GRID1: variants seen among roughly 807,000 people sequenced by gnomAD.
GRID1 encodes glutamate ionotropic receptor delta type subunit 1, also known as glutamate receptor ionotropic, delta-1.
Under a neutral mutation model 98.0 loss-of-function variants are expected in GRID1, and 28 were observed. The ratio of observed to expected loss-of-function variants is 0.29; its 90% CI spans 0.21 to 0.39. The LOEUF (loss-of-function observed/expected upper bound fraction) is 0.39, where lower values mean the gene tolerates loss of function less well. GRID1 is among the 10% of genes least tolerant of loss of function. The probability of loss-of-function intolerance (pLI) is 1.00; values close to 1 mark genes in which losing one functional copy is unlikely to be tolerated. For missense variants in GRID1, 1,111 were observed against 1,340.5 expected, an observed-to-expected ratio of 0.83 and a Z score of 2.67; for synonymous variants, 553 against 538.5, an observed-to-expected ratio of 1.03 and a Z score of -0.37.
chr10:86,352,764 A>T (rs1018257130), intron 2 of GRID1, among the ~76,000 whole-genome samples: 1 of 152,140 alleles, frequency 6.6e-6, no homozygotes, highest in Non-Finnish European at 1.5e-5. Context: ...TTGGTTTTGC[A>T]TGGCCCCCTC....
At chr10:85,882,206 T>A (rs1841040103) in intron 5 of GRID1, among the ~76,000 whole-genome samples, 1 of 152,160 alleles carries the variant, frequency 6.6e-6, no homozygotes, top group Non-Finnish European at 1.5e-5. Flanking sequence ...ATTGTGGAAG[T>A]CAGTGTGGCG....
At chr10:85,638,001 T>C (rs1262073764) in intron 13 of GRID1, among the ~76,000 whole-genome samples, 1 of 152,152 alleles carries the variant, frequency 6.6e-6, no homozygotes, top group Non-Finnish European at 1.5e-5. Context: ...TAAAACAGTG[T>C]TTAGAGGGAA....
At chr10:85,882,722 T>TG (rs1438639125) in intron 5 of GRID1, among the ~76,000 whole-genome samples, 2 of 152,316 alleles carry the variant, frequency 1.3e-5, no homozygotes, top group African/African-American at 4.8e-5. Context: ...TGTATACATA[T>TG]GTAACAAACG....
intron 2 of GRID1, among the ~76,000 whole-genome samples, chr10:86,357,907 C>T (rs767856998): frequency 1.6e-4 from 24 of 152,298 alleles, no homozygotes; most frequent in Non-Finnish European, 2.1e-4. Flanking sequence ...TTGACTTCAA[C>T]GAGGGCCGTC....
At chr10:86,297,821 T>C (rs1847617078) in intron 2 of GRID1, among the ~76,000 whole-genome samples, 1 of 152,206 alleles carries the variant, frequency 6.6e-6, no homozygotes, top group South Asian at 2.1e-4. Context: ...GAAGGTGCTG[T>C]TAGCAAACAC....
At chr10:86,030,678 C>T (rs1843174297) in intron 4 of GRID1, among the ~76,000 whole-genome samples, 1 of 152,196 alleles carries the variant, frequency 6.6e-6, no homozygotes, top group African/African-American at 2.4e-5. Flanking sequence ...GTTACCACTC[C>T]AGAGTGGGGA....
intron 13 of GRID1, among the ~76,000 whole-genome samples, chr10:85,641,427 A>G (rs1320545094): frequency 1.3e-5 from 2 of 152,228 alleles, no homozygotes; most frequent in Non-Finnish European, 2.9e-5. Flanking sequence ...AGTCAGGCAT[A>G]TATCTTGCCA....
At chr10:85,941,777 T>C (rs751865655) in intron 4 of GRID1, among the ~76,000 whole-genome samples, 7 of 152,326 alleles carry the variant, frequency 4.6e-5, no homozygotes, top group Non-Finnish European at 7.3e-5. Context: ...TTTTTTGTGA[T>C]TGAATTTTAT....
At chr10:85,989,045 C>T (rs556644345) in intron 4 of GRID1, among the ~76,000 whole-genome samples, 41 of 152,288 alleles carry the variant, frequency 2.7e-4, no homozygotes, top group Middle Eastern at 6.8e-3. Flanking sequence ...AGGCGGATTA[C>T]GCAGGTTTAG....
At chr10:85,699,906 A>G (rs1356613309) in intron 12 of GRID1, among the ~76,000 whole-genome samples, 1 of 152,224 alleles carries the variant, frequency 6.6e-6, no homozygotes, top group East Asian at 1.9e-4. Flanking sequence ...ATGAGCAAAC[A>G]TCTTAAATTG....
At chr10:86,106,907 T>C (rs11815446) in intron 4 of GRID1, among the ~76,000 whole-genome samples, 6,865 of 151,624 alleles carry the variant, frequency 0.045, 510 homozygotes, top group African/African-American at 0.16. Flanking sequence ...GGAAAATGAA[T>C]TGACAACAAG....
At chr10:85,632,298 A>G (rs1842984921) in intron 13 of GRID1, among the ~76,000 whole-genome samples, 1 of 152,172 alleles carries the variant, frequency 6.6e-6, no homozygotes, top group Admixed American at 6.5e-5. Flanking sequence ...CAGTTTCTAA[A>G]ATTCAAGAAT....
intron 15 of GRID1, among the ~76,000 whole-genome samples, chr10:85,604,764 G>T (rs1179040825): frequency 6.6e-6 from 1 of 152,092 alleles, no homozygotes; most frequent in Non-Finnish European, 1.5e-5. Flanking sequence ...TATTTTATTT[G>T]CTTTGTTTTC....
intron 2 of GRID1, among the ~76,000 whole-genome samples, chr10:86,212,976 G>A (rs919112786): frequency 6.6e-6 from 1 of 152,068 alleles, no homozygotes; most frequent in African/African-American, 2.4e-5. Flanking sequence ...TGGCTCTCCC[G>A]TCCCTCCTGC....
intron 3 of GRID1, among the ~76,000 whole-genome samples, chr10:86,155,423 A>C (rs1303070059): frequency 6.6e-6 from 1 of 152,240 alleles, no homozygotes; most frequent in Non-Finnish European, 1.5e-5. Flanking sequence ...GCAGATTCAG[A>C]TTCTGAGTCA....
At chr10:86,356,329 C>T (rs897684276) in intron 2 of GRID1, among the ~76,000 whole-genome samples, 5 of 152,202 alleles carry the variant, frequency 3.3e-5, no homozygotes, top group Admixed American at 1.3e-4. Context: ...TTTAATGAAA[C>T]GCCAAGGAAA....
chr10:85,668,155 C>A (rs1841044038), intron 12 of GRID1, among the ~76,000 whole-genome samples: 1 of 152,344 alleles, frequency 6.6e-6, no homozygotes, highest in South Asian at 2.1e-4. Flanking sequence ...GGGGATGCTT[C>A]CACAGGGAGG....
chr10:85,809,463 C>A (rs893706595), intron 8 of GRID1, among the ~76,000 whole-genome samples: 4 of 152,102 alleles, frequency 2.6e-5, no homozygotes, highest in East Asian at 1.9e-4. Context: ...AAAACTCAAA[C>A]ACAGAGAAAA....
chr10:86,342,433 A>C (rs1318798966), intron 2 of GRID1, among the ~76,000 whole-genome samples: 2 of 151,886 alleles, frequency 1.3e-5, no homozygotes, highest in African/African-American at 4.8e-5. Context: ...GTACACACAC[A>C]CTCCACTATG....
Sources: gnomAD v4.1 joint callset for allele counts (sites outside exome capture counted in the v4.1 genomes callset) on GRCh38, gnomAD v4.1.1 for gene constraint, MANE v1.5 for transcripts, NCBI Gene and HGNC (gene_info 2026-07-23, HGNC 2026-07-21) for gene names.